CCDC148: variants seen among roughly 807,000 people sequenced by gnomAD.
The protein encoded by CCDC148 is coiled-coil domain containing 148.
A neutral mutation model predicts 85.7 loss-of-function variants in CCDC148; 89 were observed. The observed-to-expected ratio is 1.04, with a 90% CI of 0.87 to 1.24. CCDC148 has a LOEUF of 1.24. Ranked by LOEUF, CCDC148 falls within the 50% of genes most tolerant of loss-of-function variation. CCDC148 has a pLI of 0.00. For synonymous variants in CCDC148, 230 were observed against 213.9 expected (o/e 1.08, Z -0.66); for missense variants, 692 against 671.7 (o/e 1.03, Z -0.33).
At chr2:158,361,212 A>C (rs140541701) in intron 1 of CCDC148, among the ~76,000 whole-genome samples, 26,905 of 151,968 alleles carry the variant, frequency 0.18, 3,097 homozygotes, top group Non-Finnish European at 0.25. Flanking sequence ...GTATACCTGA[A>C]AGTGACAGGG....
chr2:158,291,773 C>T (rs923743039), intron 9 of CCDC148, among the ~76,000 whole-genome samples: 2 of 152,178 alleles, frequency 1.3e-5, no homozygotes, highest in Admixed American at 1.3e-4. Flanking sequence ...CAGTGCCTGT[C>T]ATAATGTCTG....
At position 158,228,237 on chromosome 2, in the gene CCDC148, G is replaced by A. The variant is rs187345334; in HGVS notation, c.1252-7524C>T. On this transcript the variant is annotated intron_variant, in intron 10 of 13. Transcript: ENST00000283233. ...CATCATCACTGGGCATCAGAGAAAT[G>A]TAAATCAAAACCACAATGAGATACC... 4.8e-4 allele frequency among the ~76,000 whole-genome samples: 73 copies of A among 152,304 alleles called. 3 individuals are homozygous for A. In the Middle Eastern group the frequency reaches 0.041, roughly 85 times the overall value.
In CCDC148 at chr2:158,311,417, G is replaced by A. The variant is rs543707595; in HGVS notation, c.904-1778C>T. Among the ~76,000 whole-genome samples, 4 of 151,042 alleles carry A rather than the reference G, an allele frequency of 2.6e-5. No homozygotes were observed. In the East Asian group the frequency reaches 5.8e-4, roughly 22 times the overall value. On this transcript the variant is annotated intron_variant, in intron 8 of 13. Transcript: ENST00000283233. ...GGAAGTTGCAGTGAGCCGAGATCGC[G>A]GCAGTACAGTCCAGCCTCGGCAACA... is the stretch of plus-strand genomic sequence containing the variant.
At chr2:158,338,609 A>G in intron 7 of CCDC148, 117 bp downstream of exon 7, 1 of 711,858 alleles carries the variant, frequency 1.4e-6, no homozygotes, top group Non-Finnish European at 2.2e-6. Flanking sequence ...CTAAACATTT[A>G]TTGATTGTAT....
At chr2:158,194,351 G>GAA (rs1035730255) in intron 11 of CCDC148, among the ~76,000 whole-genome samples, 2 of 152,166 alleles carry the variant, frequency 1.3e-5, no homozygotes, top group African/African-American at 4.8e-5. Flanking sequence ...GTTGGGCCAT[G>GAA]AATTTGCCTT....
rs1683771127 is a variant in CCDC148 at position 158,358,445 on chromosome 2, T to C, written c.147+4A>G. On this transcript the variant is annotated splice_donor_region_variant and intron_variant, in intron 2 of 13. Coordinates refer to ENST00000283233, the MANE Select transcript of CCDC148 (RefSeq NM_138803.4). The stretch of plus-strand genomic sequence containing the variant: ...GAAAAACACATACACACACAACTTC[T>C]AACCTTTAGCTTTGCAGAGGCAGAA... The C allele has an allele frequency of 6.2e-7, 1 of 1,603,634 alleles. No homozygotes were observed. The highest frequency in any genetic ancestry group is 8.5e-7 in the Non-Finnish European group (1 of 1,176,976).
At chr2:158,387,573 C>T (rs755142090) in intron 1 of CCDC148, among the ~76,000 whole-genome samples, 1 of 152,134 alleles carries the variant, frequency 6.6e-6, no homozygotes, top group Non-Finnish European at 1.5e-5. Context: ...TGCCTTCACT[C>T]ACATGAGCTA....
chr2:158,361,720 G>A (rs770382785), intron 1 of CCDC148, among the ~76,000 whole-genome samples: 2 of 152,228 alleles, frequency 1.3e-5, no homozygotes, highest in African/African-American at 2.4e-5. Context: ...CTGCAAACAC[G>A]TAGCAAATTG....
intron 1 of CCDC148, among the ~76,000 whole-genome samples, chr2:158,422,385 C>A (rs1219694168): frequency 6.6e-6 from 1 of 152,086 alleles, no homozygotes; most frequent in Admixed American, 6.6e-5. Flanking sequence ...GCTTATTCAC[C>A]ATGATCAAGT....
chr2:158,285,599 C>T (rs1250049747), intron 9 of CCDC148, among the ~76,000 whole-genome samples: 3 of 150,854 alleles, frequency 2.0e-5, no homozygotes, highest in African/African-American at 4.9e-5. Flanking sequence ...GGTGCAATCT[C>T]GGCTCACTGC....
At chr2:158,433,091 A>AAAAAAAAAAAAATATAT (rs1553521585) in intron 1 of CCDC148, among the ~76,000 whole-genome samples, 2 of 51,312 alleles carry the variant, frequency 3.9e-5, no homozygotes, top group African/African-American at 1.1e-4. Context: ...AAAAAAAAAA[A>AAAAAAAAAAAAATATAT]ATATATATAT....
At chr2:158,218,158 T>G (rs922396423) in intron 11 of CCDC148, among the ~76,000 whole-genome samples, 3 of 152,222 alleles carry the variant, frequency 2.0e-5, no homozygotes, top group Non-Finnish European at 4.4e-5. Flanking sequence ...AAATAAGCAC[T>G]GGACTCATAA....
At chr2:158,352,167 G>A (rs1227518555) in intron 2 of CCDC148, among the ~76,000 whole-genome samples, 23 of 150,268 alleles carry the variant, frequency 1.5e-4, no homozygotes, top group African/African-American at 3.0e-4. Flanking sequence ...AAAGCAGAGT[G>A]CCTCTCCTCC....
chr2:158,331,906 A>AC (rs1553506893), intron 7 of CCDC148, among the ~76,000 whole-genome samples: 1 of 152,142 alleles, frequency 6.6e-6, no homozygotes, highest in Non-Finnish European at 1.5e-5. Flanking sequence ...GTGTCTCTGC[A>AC]CGAGAGATGG....
intron 11 of CCDC148, among the ~76,000 whole-genome samples, chr2:158,199,478 C>G (rs2105280888): frequency 1.3e-5 from 2 of 152,298 alleles, no homozygotes; most frequent in East Asian, 3.9e-4. Context: ...CTCCTGACAT[C>G]AGATGATCCA....
chr2:158,403,316 G>T (rs564727126), intron 1 of CCDC148, among the ~76,000 whole-genome samples: 1 of 152,024 alleles, frequency 6.6e-6, no homozygotes, highest in East Asian at 1.9e-4. Flanking sequence ...AATACAGTTT[G>T]TAAGTTTGTA....
intron 9 of CCDC148, among the ~76,000 whole-genome samples, chr2:158,274,592 G>A (rs1689840750): frequency 6.6e-6 from 1 of 152,116 alleles, no homozygotes; most frequent in Non-Finnish European, 1.5e-5. Flanking sequence ...AGCTGTGTAA[G>A]TCAGCCAACT....
At chr2:158,279,276 G>A (rs545976872) in intron 9 of CCDC148, among the ~76,000 whole-genome samples, 10 of 152,314 alleles carry the variant, frequency 6.6e-5, no homozygotes, top group Non-Finnish European at 1.0e-4. Flanking sequence ...AAAGCTGGAC[G>A]GAGAATGACT....
intron 1 of CCDC148, among the ~76,000 whole-genome samples, chr2:158,398,536 A>G (rs931761410): frequency 1.3e-5 from 2 of 152,196 alleles, no homozygotes; most frequent in African/African-American, 4.8e-5. Flanking sequence ...TACTGGGTAA[A>G]TAACAAAATG....
Sources: allele counts gnomAD v4.1 joint callset (sites outside exome capture counted in the v4.1 genomes callset), GRCh38; gene constraint gnomAD v4.1.1; transcripts MANE v1.5; gene names NCBI Gene and HGNC (gene_info 2026-07-23, HGNC 2026-07-21).